The following GCNT1 variants were observed in gnomAD, a reference collection of about 807,000 sequenced individuals.
GCNT1 encodes the protein beta-1,3-galactosyl-O-glycosyl-glycoprotein beta-1,6-N-acetylglucosaminyltransferase.
GCNT1 carries 16 observed loss-of-function variants against 26.2 expected under a neutral mutation model. The observed-to-expected ratio is 0.61, with a 90% CI of 0.41 to 0.93. The LOEUF is 0.93. Among genes scored for constraint, GCNT1 ranks in the 40% least tolerant of loss-of-function variants. The pLI is 0.00. For missense variants in GCNT1, 477 were observed against 526.7 expected, an observed-to-expected ratio of 0.91 and a Z score of 0.92; for synonymous variants, 183 against 190.8, an observed-to-expected ratio of 0.96 and a Z score of 0.34.
chr9:76,419,059 G>A (rs556676114), upstream of GCNT1, among the ~76,000 whole-genome samples: 5 of 152,274 alleles, frequency 3.3e-5, no homozygotes, highest in East Asian at 7.7e-4. Flanking sequence ...TTTTAGTTCA[G>A]TATACCAAAA....
chr9:76,452,671 G>A (rs1215233308), intron 1 of GCNT1, among the ~76,000 whole-genome samples: 4 of 152,096 alleles, frequency 2.6e-5, no homozygotes, highest in Non-Finnish European at 4.4e-5. Flanking sequence ...TGACAAGACA[G>A]CACCAAAGGG....
chr9:76,502,440 T>C lies in GCNT1; in HGVS notation c.59T>C (p.Met20Thr). Reference sequence around the variant, plus strand: ...TCTTATCCCACCAAATACTACTTTATGGTTCTTGTTTTATCCCTAATCACC... The same window carrying C: ...TCTTATCCCACCAAATACTACTTTACGGTTCTTGTTTTATCCCTAATCACC... ...LFSYPTKYYF[M>T]VLVLSLITFS... The change falls in exon 4 of 4, where the codon ATG (methionine) becomes ACG (threonine). Residue 20 changes from methionine (M) to threonine (T), a missense_variant. Physicochemically the swap from Met to Thr is moderately conservative, Grantham distance 81. Transcript: ENST00000376730. 1.9e-6 allele frequency: 3 copies of C among 1,613,916 alleles called. No individual in the cohort carries two copies. The highest frequency in any genetic ancestry group is 1.3e-5 in the African/African-American group (1 of 75,040).
chr9:76,497,080 C>T (rs937092294), intron 2 of GCNT1, among the ~76,000 whole-genome samples: 6 of 152,174 alleles, frequency 3.9e-5, no homozygotes, highest in African/African-American at 9.7e-5. Context: ...CTGTAGTTGT[C>T]CTCACTGGCA....
Position 76,503,049 on chromosome 9 carries a change from T to C in GCNT1, c.668T>C (p.Ile223Thr), listed in dbSNP as rs1335863924. The C allele has an allele frequency of 1.9e-6, 3 of 1,614,050 alleles. No homozygotes were observed. Among genetic ancestry groups the C allele is most frequent in the East Asian group, 2.2e-5 (1 of 44,888 alleles). Reference sequence around the variant, plus strand: ...AATCTTTGTGGTATGGATTTTCCCATTAAAACCAACCTAGAAATTGTCAGG... The same window carrying C: ...AATCTTTGTGGTATGGATTTTCCCACTAAAACCAACCTAGAAATTGTCAGG... Reference protein sequence around the residue: ...LINLCGMDFPIKTNLEIVRKL... With the variant: ...LINLCGMDFPTKTNLEIVRKL... Residue 223 changes from isoleucine to threonine, a missense_variant, in exon 4 of 4, where the codon ATT (isoleucine) becomes ACT (threonine). Ile to Thr is a moderately conservative substitution (Grantham distance 89). Transcript: ENST00000376730.
At chr9:76,478,900 C>T (rs1824335255) in intron 2 of GCNT1, among the ~76,000 whole-genome samples, 1 of 152,158 alleles carries the variant, frequency 6.6e-6, no homozygotes, top group Non-Finnish European at 1.5e-5. Flanking sequence ...GGTACATGTG[C>T]ACAATGTGCA....
chr9:76,415,107 G>A (rs1382241608), upstream of GCNT1, among the ~76,000 whole-genome samples: 1 of 151,974 alleles, frequency 6.6e-6, no homozygotes, highest in Non-Finnish European at 1.5e-5. Context: ...TGCCCAGGCT[G>A]GAGTGCAGTG....
At chr9:76,446,191 A>T (rs1823574716) in intron 1 of GCNT1, among the ~76,000 whole-genome samples, 1 of 152,082 alleles carries the variant, frequency 6.6e-6, no homozygotes, top group Admixed American at 6.5e-5. Context: ...TGGGAAACTG[A>T]CCTTCAAGTC....
At chr9:76,415,064 T>A (rs1348789249), upstream of GCNT1, among the ~76,000 whole-genome samples, 1 of 151,536 alleles carries the variant, frequency 6.6e-6, no homozygotes, top group Admixed American at 6.6e-5. Context: ...GCTGTGAACT[T>A]TTTTTTTTCC....
At chr9:76,394,319 C>T in the GCNT1 span, 1 of 674,878 alleles carries the variant, frequency 1.5e-6, no homozygotes, top group Non-Finnish European at 2.3e-6. Context: ...CGGACGACGC[C>T]GACCACAGGC....
At chr9:76,471,154 A>G (rs746236182) in intron 2 of GCNT1, among the ~76,000 whole-genome samples, 4 of 152,166 alleles carry the variant, frequency 2.6e-5, no homozygotes, top group African/African-American at 4.8e-5. Context: ...AGCACATGCT[A>G]TATCTGCTGC....
At chr9:76,394,368 G>A in the GCNT1 span, 1 of 505,334 alleles carries the variant, frequency 2.0e-6, no homozygotes, top group Non-Finnish European at 3.4e-6. Context: ...AACAAATACC[G>A]CCGGGCGCCT....
In GCNT1 at chr9:76,502,545, G is replaced by A. The variant is rs777094451; in HGVS notation, c.164G>A (p.Ser55Asn). Residue 55 changes from serine to asparagine, a missense_variant, in exon 4 of 4, where the codon AGT (serine) becomes AAT (asparagine). Transcript: ENST00000376730. ...GAGCTTGCTGGGGAGAATCCTAGTAGTGATATTAATTGCACCAAAGTTTTA... is the reference window on the plus strand; with the variant it reads ...GAGCTTGCTGGGGAGAATCCTAGTAATGATATTAATTGCACCAAAGTTTTA... ...HLELAGENPS[S>N]DINCTKVLQG... 8.1e-6 allele frequency: 13 copies of A among 1,613,942 alleles called. No homozygotes were observed. The Admixed American group carries it at 8.3e-5, about 10-fold the overall frequency.
the GCNT1 span, chr9:76,394,299 C>A: frequency 3.5e-6 from 3 of 855,786 alleles, no homozygotes; most frequent in Non-Finnish European, 5.1e-6. Flanking sequence ...CGCGGGGGCG[C>A]ACCAGTGGCC....
chr9:76,483,403 G>GT (rs34884191), intron 2 of GCNT1, among the ~76,000 whole-genome samples: 10,950 of 148,712 alleles, frequency 0.074, 531 homozygotes, highest in Non-Finnish European at 0.11. Context: ...TTAAGGAGGG[G>GT]TTTTTTTTTT....
intron 2 of GCNT1, among the ~76,000 whole-genome samples, chr9:76,475,623 G>A (rs1824237503): frequency 2.6e-5 from 4 of 152,158 alleles, no homozygotes. Flanking sequence ...GCCACTAAGG[G>A]CTCTCCAAAG....
At chr9:76,479,067 C>G (rs1028603750) in intron 2 of GCNT1, among the ~76,000 whole-genome samples, 1 of 151,582 alleles carries the variant, frequency 6.6e-6, no homozygotes, top group Non-Finnish European at 1.5e-5. Flanking sequence ...TCCAAGTGTT[C>G]TCATTGCTCA....
At chr9:76,410,318 G>A in the GCNT1 span, among the ~76,000 whole-genome samples, 25 of 152,132 alleles carry the variant, frequency 1.6e-4, no homozygotes, top group African/African-American at 5.6e-4. Flanking sequence ...TGTAATCCCA[G>A]GTACTCTGGA....
intron 2 of GCNT1, among the ~76,000 whole-genome samples, chr9:76,489,476 G>T (rs1824670044): frequency 6.6e-6 from 1 of 152,180 alleles, no homozygotes; most frequent in African/African-American, 2.4e-5. Context: ...ACCCCAGCGG[G>T]TTGCCACTGC....
intron 1 of GCNT1, among the ~76,000 whole-genome samples, chr9:76,431,261 G>A (rs1428226057): frequency 6.6e-6 from 1 of 152,036 alleles, no homozygotes; most frequent in Non-Finnish European, 1.5e-5. Flanking sequence ...ACAAGGTAAG[G>A]CTCAATCCTC....
Sources: gnomAD v4.1 joint callset for allele counts (sites outside exome capture counted in the v4.1 genomes callset) on GRCh38, gnomAD v4.1.1 for gene constraint, MANE v1.5 for transcripts, NCBI Gene and HGNC (gene_info 2026-07-23, HGNC 2026-07-21) for gene names.